DNAH1: variants seen among roughly 807,000 people sequenced by gnomAD.
DNAH1 encodes the protein dynein axonemal heavy chain 1.
In DNAH1, 327 loss-of-function variants were observed where a neutral mutation model predicts 484.3. The observed-to-expected ratio is 0.68, with a 90% CI of 0.62 to 0.74. The LOEUF (loss-of-function observed/expected upper bound fraction) is 0.74, where lower values mean the gene tolerates loss of function less well. DNAH1 is among the 30% of genes least tolerant of loss of function. The probability of loss-of-function intolerance (pLI) is 0.00; values close to 1 mark genes in which losing one functional copy is unlikely to be tolerated. For synonymous variants in DNAH1, 2,192 were observed against 2,191.9 expected, an observed-to-expected ratio of 1.00 and a Z score of 0.00; for missense variants, 5,052 against 5,546.8, an observed-to-expected ratio of 0.91 and a Z score of 2.83.
In DNAH1 at chr3:52,383,478, C is replaced by A; in HGVS notation, c.8034C>A (p.Ile2678=). The change falls in exon 51 of 78, where the codon ATC becomes ATA. Residue 2678 remains isoleucine (I), a synonymous_variant. Transcript: ENST00000420323. ...NLYTADEQDQ[I]VSTMRPYIQE... ...ATACTGCGGACGAGCAGGACCAGAT[C>A]GTCAGCACCATGCGGCCCTATATCC... The A allele has an allele frequency of 1.2e-6, 2 of 1,613,978 alleles. No homozygotes were observed. The highest frequency in any genetic ancestry group is 1.7e-6 in the Non-Finnish European group (2 of 1,179,866).
chr3:52,344,348 C>G, intron 8 of DNAH1, 142 bp from the exon 9 acceptor site: 1 of 986,160 alleles, frequency 1.0e-6, no homozygotes. Flanking sequence ...GGCTCAGGGC[C>G]GGGTGGGGGT....
chr3:52,325,736 C>G (rs1038197530), intron 3 of DNAH1, among the ~76,000 whole-genome samples: 1 of 152,154 alleles, frequency 6.6e-6, no homozygotes, highest in African/African-American at 2.4e-5. Context: ...ATATCAGACT[C>G]CAATATGCTG....
In DNAH1 at chr3:52,381,680, A is replaced by G; in HGVS notation, c.7649A>G (p.Gln2550Arg). The change falls in exon 49 of 78, where the codon CAG becomes CGG. Residue 2550 changes from glutamine to arginine, a missense_variant. Gln to Arg is a conservative substitution (Grantham distance 43). Around this residue, in one of 4 missense-constraint regions of DNAH1, gnomAD observed 2,929 missense variants for 3,409.4 expected, o/e 0.86. Transcript: ENST00000420323. The surrounding 1 kb of genome is among the most constrained non-coding windows in gnomAD (Gnocchi z 4.1). ...GAGGAGTACATAGAGGACTACAACC[A>G]GATCAACACGGCCAAGCTGAAGCTG... ...VIEEYIEDYN[Q>R]INTAKLKLVL... The G allele has an allele frequency of 6.2e-7, 1 of 1,609,102 alleles. No individual in the cohort carries two copies. The highest frequency in any genetic ancestry group is 8.5e-7 in the Non-Finnish European group (1 of 1,178,060).
chr3:52,369,749 C>G (rs1703243147), intron 37 of DNAH1, 76 bp from the exon 38 acceptor site: 8 of 1,486,246 alleles, frequency 5.4e-6, no homozygotes, highest in Non-Finnish European at 7.3e-6. Flanking sequence ...GCAGCCCCTC[C>G]CCGCAGCCCT....
chr3:52,314,544 T>C (rs1028047298), upstream of DNAH1, among the ~76,000 whole-genome samples: 3 of 152,200 alleles, frequency 2.0e-5, no homozygotes, highest in African/African-American at 7.2e-5. Flanking sequence ...GTCATTTCTA[T>C]GGGTCTTTCC....
At chr3:52,397,987 A>AAGG in intron 74 of DNAH1, 45 bp from the exon 75 acceptor site, 1 of 1,600,398 alleles carries the variant, frequency 6.2e-7, no homozygotes, top group Non-Finnish European at 8.5e-7. Context: ...CACAGGGGAT[A>AAGG]AGGGGGCCCA....
chr3:52,352,510 G>C, intron 17 of DNAH1, 42 bp from the exon 18 acceptor site: 1 of 1,587,290 alleles, frequency 6.3e-7, no homozygotes, highest in Non-Finnish European at 8.6e-7. Context: ...GGACACAAGT[G>C]GGGCTGCAGG....
chr3:52,341,918 C>G (rs2153223593), intron 8 of DNAH1, among the ~76,000 whole-genome samples: 1 of 152,242 alleles, frequency 6.6e-6, no homozygotes, highest in South Asian at 2.1e-4. Context: ...CAACAAAGAG[C>G]CTGCACCCTG....
At chr3:52,315,814 A>G (rs565667066), upstream of DNAH1, among the ~76,000 whole-genome samples, 1 of 152,198 alleles carries the variant, frequency 6.6e-6, no homozygotes, top group Non-Finnish European at 1.5e-5. Context: ...TTGCGCAGCC[A>G]TGGGAGAAGA....
chr3:52,315,335 C>A (rs951931140), upstream of DNAH1, among the ~76,000 whole-genome samples: 1 of 152,258 alleles, frequency 6.6e-6, no homozygotes, highest in Non-Finnish European at 1.5e-5. Context: ...TTCTGGCTGG[C>A]CAGCCACATG....
In DNAH1 at chr3:52,353,104, A is replaced by G; in HGVS notation, c.3029A>G (p.Tyr1010Cys). The G allele has an allele frequency of 1.2e-6, 2 of 1,612,288 alleles. No individual in the cohort carries two copies. The change falls in exon 19 of 78, where the codon TAT becomes TGT. Residue 1010 changes from tyrosine (Y) to cysteine (C), a missense_variant and splice_region_variant. Coordinates refer to ENST00000420323, the MANE Select transcript of DNAH1 (RefSeq NM_015512.5). The surrounding 1 kb of genome is among the most constrained non-coding windows in gnomAD (Gnocchi z 5.0). ...AGCCCTGCCCTCCTGTCCCTGCAGT[A>G]TGACAAGCTCTCCAGGATGGTGAAG... is the stretch of plus-strand genomic sequence containing the variant. ...ERIFSLPITN[Y>C]DKLSRMVKEF...
intron 55 of DNAH1, 61 bp from the exon 56 acceptor site, chr3:52,386,601 G>T (rs1192918507): frequency 6.8e-7 from 1 of 1,471,512 alleles, no homozygotes; most frequent in Non-Finnish European, 9.0e-7. Flanking sequence ...TTCTGGCAGG[G>T]TCCCTGCCGA....
chr3:52,389,684 G>A (rs1704285061), intron 60 of DNAH1, 98 bp downstream of exon 60: 6 of 1,242,154 alleles, frequency 4.8e-6, no homozygotes, highest in Middle Eastern at 3.1e-4. Flanking sequence ...GCTTTCCAGG[G>A]CCTGGCTCGG....
intron 8 of DNAH1, among the ~76,000 whole-genome samples, chr3:52,334,234 TATTCATGTATCTAAACATAG>T: frequency 6.6e-6 from 1 of 152,296 alleles, no homozygotes; most frequent in Admixed American, 6.5e-5. Context: ...CAACGGCAAG[TATTCATGTATCTAAACATAG>T]AAAAGGTACA....
intron 10 of DNAH1, 39 bp downstream of exon 10, chr3:52,345,745 C>T (rs753090440): frequency 2.1e-5 from 33 of 1,582,198 alleles, no homozygotes; most frequent in South Asian, 1.7e-4. Flanking sequence ...AAACGCAGGG[C>T]AGACCCTTGG....
rs1024441954 is a variant in DNAH1 at position 52,357,754 on chromosome 3, T to C, written c.3980+19T>C. On this transcript the variant is annotated intron_variant, in intron 23 of 77. Coordinates refer to ENST00000420323, the MANE Select transcript of DNAH1 (RefSeq NM_015512.5). ...TCCCCAGGTGGGCGCCACCTGGCCATGCCCACTCCGCCACTGTCTGCCCAC... is the reference window on the plus strand; with the variant it reads ...TCCCCAGGTGGGCGCCACCTGGCCACGCCCACTCCGCCACTGTCTGCCCAC... 3 of 1,572,724 alleles carry C rather than the reference T, an allele frequency of 1.9e-6. No homozygotes were observed. The highest frequency in any genetic ancestry group is 2.6e-6 in the Non-Finnish European group (3 of 1,159,182).
At chr3:52,370,044 G>A (rs1362619806) in intron 38 of DNAH1, 25 bp downstream of exon 38, 3 of 1,613,300 alleles carry the variant, frequency 1.9e-6, no homozygotes, top group Non-Finnish European at 8.5e-7. Context: ...GGGTATGTCT[G>A]ACCCTGGCAG....
rs145480601 is a variant in DNAH1 at position 52,368,660 on chromosome 3, G to A, written c.5766-81G>A. On this transcript the variant is annotated intron_variant, in intron 36 of 77. Coordinates refer to ENST00000420323, the MANE Select transcript of DNAH1 (RefSeq NM_015512.5). The surrounding 1 kb of genome is among the most constrained non-coding windows in gnomAD (Gnocchi z 4.4). ...GGAAAGTAGAGCCCGCCCACCCGGC[G>A]GCCAGGCTTCCCTGGGAGCCAGCTG... 8,117 of 1,471,670 alleles carry A rather than the reference G, an allele frequency of 5.5e-3. 66 individuals carry two copies. Among genetic ancestry groups the A allele is most frequent in the South Asian group, 0.023 (1,781 of 77,650 alleles). The allele number at this position is 1,471,670 out of a possible 1,614,324, so 91.2% of individuals were successfully genotyped here.
chr3:52,359,457 G>A (rs1199156787), intron 26 of DNAH1, 71 bp downstream of exon 26: 30 of 1,532,692 alleles, frequency 2.0e-5, no homozygotes, highest in South Asian at 1.6e-4. Flanking sequence ...CAGTCCCTCC[G>A]GAAGCTTTCT....
Sources: gnomAD v4.1 joint callset for allele counts (sites outside exome capture counted in the v4.1 genomes callset) on GRCh38, gnomAD v4.1.1 for gene constraint, gnomAD v4.1.1 regional missense constraint, Gnocchi (gnomAD v3.1) non-coding constraint, MANE v1.5 for transcripts, NCBI Gene and HGNC (gene_info 2026-07-23, HGNC 2026-07-21) for gene names.